The following CBLB variants were observed in gnomAD, a reference collection of about 807,000 sequenced individuals.
The protein encoded by CBLB is E3 ubiquitin-protein ligase CBL-B.
CBLB carries 31 observed loss-of-function variants against 104.9 expected under a neutral mutation model. That is an observed-to-expected ratio of 0.30 (90% confidence interval 0.22 to 0.40). The LOEUF is 0.40. Ranked by LOEUF, CBLB falls within the 10% of genes least tolerant of loss-of-function variation. CBLB has a pLI of 1.00. For synonymous variants in CBLB, 440 were observed against 422.6 expected (o/e 1.04, Z -0.51); for missense variants, 1,062 against 1,214.6 (o/e 0.87, Z 1.87).
intron 13 of CBLB, 85 bp from the exon 14 acceptor site, chr3:105,685,551 G>C (rs2066902506): frequency 9.3e-7 from 1 of 1,072,824 alleles, no homozygotes; most frequent in African/African-American, 1.6e-5. Flanking sequence ...AGTCAAAGAA[G>C]CTACTTTATC....
chr3:105,799,177 C>CAAAAAAAA (rs11372400), intron 3 of CBLB, among the ~76,000 whole-genome samples: 29 of 70,180 alleles, frequency 4.1e-4, no homozygotes, highest in East Asian at 2.2e-3. Context: ...TGACAAAGAA[C>CAAAAAAAA]AAAAAAAAAA....
intron 3 of CBLB, among the ~76,000 whole-genome samples, chr3:105,829,471 C>T (rs1337480547): frequency 6.6e-6 from 1 of 151,846 alleles, no homozygotes; most frequent in Non-Finnish European, 1.5e-5. Flanking sequence ...CCAGCCTAGG[C>T]AACATGGCGA....
chr3:105,826,906 G>T (rs2086661084), intron 3 of CBLB, among the ~76,000 whole-genome samples: 2 of 152,158 alleles, frequency 1.3e-5, no homozygotes, highest in Non-Finnish European at 2.9e-5. Context: ...TGAATCCCAG[G>T]CAAGAAAGAC....
chr3:105,755,816 C>T (rs527418575), intron 4 of CBLB, among the ~76,000 whole-genome samples: 1 of 152,270 alleles, frequency 6.6e-6, no homozygotes, highest in East Asian at 1.9e-4. Context: ...AAAGGCCCAT[C>T]CACAAGTCTT....
In CBLB at chr3:105,656,302, C is replaced by T. The variant is rs1024885012; in HGVS notation, c.*2668G>A. 2 of 206,478 alleles carry T rather than the reference C, an allele frequency of 9.7e-6. No homozygotes were observed. Among genetic ancestry groups the T allele is most frequent in the Non-Finnish European group, 2.0e-5 (2 of 101,442 alleles). The allele number at this position is 206,478 out of a possible 1,614,324, so 12.8% of individuals were successfully genotyped here. On this transcript the variant is annotated 3_prime_UTR_variant, in exon 19 of 19. Transcript: ENST00000394030. ...TGCTGACTTAAAAAAAAATTGTTAC[C>T]AAATCTTGAGAAATGGAAGGAATGT...
intron 3 of CBLB, among the ~76,000 whole-genome samples, chr3:105,845,795 C>A (rs1406554797): frequency 6.6e-6 from 1 of 152,042 alleles, no homozygotes; most frequent in Admixed American, 6.6e-5. Context: ...AAGAAATGAG[C>A]CCCTTCATTT....
intron 16 of CBLB, among the ~76,000 whole-genome samples, chr3:105,679,039 C>T (rs1389371349): frequency 2.0e-5 from 3 of 152,016 alleles, no homozygotes; most frequent in Non-Finnish European, 4.4e-5. Context: ...TAGATTATCC[C>T]ATATAGTTTA....
chr3:105,665,442 T>TATATATATATACAC (rs1182735970), intron 18 of CBLB, among the ~76,000 whole-genome samples: 3 of 67,216 alleles, frequency 4.5e-5, no homozygotes, highest in Admixed American at 1.6e-4. Flanking sequence ...TATATATATA[T>TATATATATATACAC]ACACACACAC....
At chr3:105,671,611 A>T (rs1241645767) in intron 17 of CBLB, 1 of 206,718 alleles carries the variant, frequency 4.8e-6, no homozygotes, top group Non-Finnish European at 9.9e-6. Context: ...TTAGACATTA[A>T]TAATATGTAA....
intron 13 of CBLB, among the ~76,000 whole-genome samples, chr3:105,687,045 C>T (rs553846392): frequency 3.5e-4 from 53 of 152,134 alleles, no homozygotes; most frequent in Admixed American, 1.3e-3. Flanking sequence ...TCCATAAATT[C>T]CTGTAAACAC....
chr3:105,670,415 A>T, intron 17 of CBLB, 63 bp from the exon 18 acceptor site: 1 of 1,315,216 alleles, frequency 7.6e-7, no homozygotes, highest in Non-Finnish European at 1.1e-6. Flanking sequence ...TGAAGAAAAA[A>T]ATTCTAGAAT....
intron 9 of CBLB, among the ~76,000 whole-genome samples, chr3:105,727,719 A>G (rs1189962043): frequency 1.3e-5 from 2 of 152,098 alleles, no homozygotes; most frequent in Non-Finnish European, 2.9e-5. Context: ...TAATTTTTGT[A>G]TAAGATATAA....
chr3:105,688,428 G>A (rs2067269406), intron 13 of CBLB, among the ~76,000 whole-genome samples: 1 of 151,878 alleles, frequency 6.6e-6, no homozygotes, highest in African/African-American at 2.4e-5. Flanking sequence ...TTCTACATAT[G>A]CACACTTGAA....
intron 12 of CBLB, among the ~76,000 whole-genome samples, chr3:105,697,708 A>G (rs1281084221): frequency 6.6e-6 from 1 of 152,076 alleles, no homozygotes; most frequent in African/African-American, 2.4e-5. Context: ...TGATATATTT[A>G]TCTTGCAGCA....
intron 4 of CBLB, among the ~76,000 whole-genome samples, chr3:105,765,557 G>C (rs1476989552): frequency 6.6e-6 from 1 of 152,104 alleles, no homozygotes; most frequent in Non-Finnish European, 1.5e-5. Context: ...GCTGACTCTT[G>C]TTAGTGGCCA....
chr3:105,854,726 G>A (rs1040619304), intron 2 of CBLB, among the ~76,000 whole-genome samples: 3 of 151,808 alleles, frequency 2.0e-5, no homozygotes, highest in Non-Finnish European at 2.9e-5. Flanking sequence ...TCTGCCTCCC[G>A]GGTTCAAGTG....
At chr3:105,824,440 T>C (rs577900474) in intron 3 of CBLB, among the ~76,000 whole-genome samples, 1 of 152,132 alleles carries the variant, frequency 6.6e-6, no homozygotes, top group East Asian at 1.9e-4. Flanking sequence ...AGTTAACAAA[T>C]ATGCACCTGG....
intron 2 of CBLB, among the ~76,000 whole-genome samples, chr3:105,854,667 C>A (rs2091378247): frequency 6.6e-6 from 1 of 150,968 alleles, no homozygotes; most frequent in African/African-American, 2.4e-5. Context: ...GAGTCTCATT[C>A]TGTCACCCAG....
intron 11 of CBLB, among the ~76,000 whole-genome samples, chr3:105,702,925 T>C (rs1199512749): frequency 2.0e-5 from 3 of 152,226 alleles, no homozygotes; most frequent in African/African-American, 7.2e-5. Flanking sequence ...TTTGTTTTCA[T>C]CACTGTGATA....
Sources: allele counts gnomAD v4.1 joint callset (sites outside exome capture counted in the v4.1 genomes callset), GRCh38; gene constraint gnomAD v4.1.1; transcripts MANE v1.5; gene names NCBI Gene and HGNC (gene_info 2026-07-23, HGNC 2026-07-21).